Variants in LPCAT1 observed in about 807,000 individuals in gnomAD.
LPCAT1 encodes the protein lysophosphatidylcholine acyltransferase 1, also known as 1-acylglycerol-3-phosphate O-acyltransferase.
Under a neutral mutation model 60.9 loss-of-function variants are expected in LPCAT1, and 23 were observed. The ratio of observed to expected loss-of-function variants is 0.38; its 90% CI spans 0.27 to 0.53. LPCAT1 has a LOEUF of 0.53. Among genes scored for constraint, LPCAT1 ranks in the 20% least tolerant of loss-of-function variants. The pLI, the probability that LPCAT1 is intolerant of heterozygous loss-of-function variation, is 0.82. For missense variants in LPCAT1, 622 were observed against 723.6 expected, an observed-to-expected ratio of 0.86 and a Z score of 1.61; for synonymous variants, 340 against 301.1, an observed-to-expected ratio of 1.13 and a Z score of -1.34.
At position 1,487,497 on chromosome 5, in the gene LPCAT1, G is replaced by A. The variant is rs1028120215; in HGVS notation, c.667+894C>T. ...GAAAGCACGCGCATCTGAGCTGGAG[G>A]AGGATGGCCACAGGCTCGGAAACCC... On this transcript the variant is annotated intron_variant, in intron 5 of 13. Coordinates refer to ENST00000283415, the MANE Select transcript of LPCAT1 (RefSeq NM_024830.5). This position sits in a 1 kb window ranked among gnomAD's most constrained non-coding sequence, Gnocchi z 6.1. 1.3e-5 allele frequency among the ~76,000 whole-genome samples: 2 copies of A among 152,202 alleles called. No homozygotes were observed. Among genetic ancestry groups the A allele is most frequent in the African/African-American group, 2.4e-5 (1 of 41,446 alleles).
chr5:1,487,760 G>A lies in LPCAT1; in HGVS notation c.667+631C>T, dbSNP rs1735424591. On this transcript the variant is annotated intron_variant, in intron 5 of 13. Coordinates refer to ENST00000283415, the MANE Select transcript of LPCAT1 (RefSeq NM_024830.5). The surrounding 1 kb of genome is among the most constrained non-coding windows in gnomAD (Gnocchi z 6.1). ...AGCCCAAGGGAGACGACAGGATCCA[G>A]GTGGACCCTCTGACACGCCCAAGGG... Among the ~76,000 whole-genome samples, 1 of 152,114 alleles carries A rather than the reference G, an allele frequency of 6.6e-6. No homozygotes were observed. Among genetic ancestry groups the A allele is most frequent in the Admixed American group, 6.5e-5 (1 of 15,274 alleles).
chr5:1,463,624 G>C lies in LPCAT1; in HGVS notation c.*27C>G, dbSNP rs200828506. The stretch of plus-strand genomic sequence containing the variant: ...ATGGCGGTGATGTCCACGCGGGAGG[G>C]GCCGCGTCTCTCCGCAACCCTGGGT... On this transcript the variant is annotated 3_prime_UTR_variant, in exon 14 of 14. Coordinates refer to ENST00000283415, the MANE Select transcript of LPCAT1 (RefSeq NM_024830.5). 1.1e-5 allele frequency: 17 copies of C among 1,611,406 alleles called. No individual in the cohort carries two copies. Among genetic ancestry groups the C allele is most frequent in the Admixed American group, 8.3e-5 (5 of 59,958 alleles).
In LPCAT1 at chr5:1,506,257, G is replaced by A. The variant is rs148543859; in HGVS notation, c.136-4654C>T. Among the ~76,000 whole-genome samples the A allele has an allele frequency of 3.4e-3, 520 of 152,258 alleles. 3 individuals carry two copies. Among genetic ancestry groups the A allele is most frequent in the African/African-American group, 0.012 (500 of 41,546 alleles). On this transcript the variant is annotated intron_variant, in intron 1 of 13. Coordinates refer to ENST00000283415, the MANE Select transcript of LPCAT1 (RefSeq NM_024830.5). ...GAGCAGTGCTCCTGGTGAAGAGCCC[G>A]GGCATCTCCACCGATCTGCCTTCAC...
Position 1,477,603 on chromosome 5 carries a change from C to T in LPCAT1, c.817-117G>A, listed in dbSNP as rs1734974683. ...TCTGTCAAAGTAACGCCCATTAGAA[C>T]CGTCTTCAAAGTTGTCATGTGCACG... On this transcript the variant is annotated intron_variant, in intron 8 of 13. Transcript: ENST00000283415. This position sits in a 1 kb window ranked among gnomAD's most constrained non-coding sequence, Gnocchi z 6.0. 1.4e-6 allele frequency: 1 copy of T among 730,128 alleles called. No homozygotes were observed. Among genetic ancestry groups the T allele is most frequent in the Non-Finnish European group, 2.3e-6 (1 of 434,204 alleles). 45.2% of individuals were successfully genotyped at this position (730,128 alleles called of 1,614,324 possible).
At chr5:1,505,417 G>T (rs1579806520) in intron 1 of LPCAT1, among the ~76,000 whole-genome samples, 1 of 152,376 alleles carries the variant, frequency 6.6e-6, no homozygotes, top group African/African-American at 2.4e-5. Flanking sequence ...AACCCATGGT[G>T]TTCCTGAAAC....
intron 13 of LPCAT1, among the ~76,000 whole-genome samples, chr5:1,465,657 A>G (rs747550965): frequency 1.3e-5 from 2 of 151,910 alleles, no homozygotes; most frequent in African/African-American, 2.4e-5. Flanking sequence ...CGGTAACTAA[A>G]CACGTGCGCT....
At chr5:1,494,646 T>TCTCACTCCCAGCAGGGCAGGGTCC (rs1735709930) in intron 3 of LPCAT1, 54 bp downstream of exon 3, 2 of 1,508,914 alleles carry the variant, frequency 1.3e-6, no homozygotes, top group Non-Finnish European at 9.2e-7. Flanking sequence ...CAGGGGGATC[T>TCTCACTCCCAGCAGGGCAGGGTCC]CTCACTCCCA....
At chr5:1,518,601 A>G (rs1331292493) in intron 1 of LPCAT1, among the ~76,000 whole-genome samples, 1 of 152,178 alleles carries the variant, frequency 6.6e-6, no homozygotes, top group African/African-American at 2.4e-5. Context: ...CGGCCTCCCA[A>G]AGTGCTGGGA....
In LPCAT1 at chr5:1,493,770, G is replaced by A. The variant is rs533534502; in HGVS notation, c.493+930C>T. Among the ~76,000 whole-genome samples the A allele has an allele frequency of 2.6e-5, 4 of 152,382 alleles. No individual in the cohort carries two copies. The East Asian group carries it at 7.7e-4, about 29-fold the overall frequency. On this transcript the variant is annotated intron_variant, in intron 3 of 13. Transcript: ENST00000283415. ...TCCTCCCAGAGCAGTGGGTCCATGG[G>A]ATGCGGCCCCCAAAGATGGGTCCAC...
rs1252702570 is a variant in LPCAT1, at chr5:1,476,686, A to G, written c.899+718T>C. ...CTAGCTCCACTGGACAGAGCTTTGC[A>G]GGAGGAAGCACTAGGGAGGCATTCA... On this transcript the variant is annotated intron_variant, in intron 9 of 13. Transcript: ENST00000283415. The surrounding 1 kb of genome is among the most constrained non-coding windows in gnomAD (Gnocchi z 8.6). Among the ~76,000 whole-genome samples the G allele has an allele frequency of 6.6e-6, 1 of 152,094 alleles. No individual in the cohort carries two copies. Among genetic ancestry groups the G allele is most frequent in the Non-Finnish European group, 1.5e-5 (1 of 68,000 alleles).
rs964524512 is a variant in LPCAT1 at position 1,521,083 on chromosome 5, G to A, written c.135+2627C>T. 2.6e-5 allele frequency among the ~76,000 whole-genome samples: 4 copies of A among 152,188 alleles called. No individual in the cohort carries two copies. The highest frequency in any genetic ancestry group is 1.9e-4 in the East Asian group (1 of 5,194). ...AAGATCCTGTACCATACCATTTACC[G>A]CTCTCTACTAAATCTATATCCTTGC... On this transcript the variant is annotated intron_variant, in intron 1 of 13. Coordinates refer to ENST00000283415, the MANE Select transcript of LPCAT1 (RefSeq NM_024830.5). This position sits in a 1 kb window ranked among gnomAD's most constrained non-coding sequence, Gnocchi z 4.3.
chr5:1,500,313 T>A (rs1735959127), intron 2 of LPCAT1, among the ~76,000 whole-genome samples: 1 of 152,276 alleles, frequency 6.6e-6, no homozygotes, highest in South Asian at 2.1e-4. Context: ...CTCAACATTT[T>A]CATTTGCTAA....
In LPCAT1 at chr5:1,494,769, T is replaced by G. The variant is rs1354769326; in HGVS notation, c.424A>C (p.Ile142Leu). ...GAGGACATCGTCATGGTCACAGGGA[T>G]GGCGTCGAAGTAGGACGAGTGAGGC... ...LAPHSSYFDA[I>L]PVTMTMSSIV... Residue 142 changes from isoleucine (I) to leucine (L), a missense_variant, in exon 3 of 14, where the codon ATC (isoleucine) becomes CTC (leucine). Transcript: ENST00000283415. The G allele has an allele frequency of 6.2e-7, 1 of 1,614,176 alleles. No homozygotes were observed. The highest frequency in any genetic ancestry group is 8.5e-7 in the Non-Finnish European group (1 of 1,180,020).
chr5:1,509,637 A>C (rs1364030725), intron 1 of LPCAT1, among the ~76,000 whole-genome samples: 1 of 152,166 alleles, frequency 6.6e-6, no homozygotes, highest in Non-Finnish European at 1.5e-5. Context: ...CAAACCGAGC[A>C]AGGCAGCAGC....
In LPCAT1 at chr5:1,463,314, G is replaced by GA; in HGVS notation, c.*336_*337insT. 1 of 267,046 alleles carries GA rather than the reference G, an allele frequency of 3.7e-6. No individual in the cohort carries two copies. The highest frequency in any genetic ancestry group is 7.5e-5 in the East Asian group (1 of 13,280). The allele number at this position is 267,046 out of a possible 1,614,324, so 16.5% of individuals were successfully genotyped here. A position where few individuals can be genotyped will look rare whatever the true frequency, so the allele number is the denominator to read the frequency against. On this transcript the variant is annotated 3_prime_UTR_variant, in exon 14 of 14. Transcript: ENST00000283415. ...GGCCCGCCCGGTGCACGCTGCCGCC[G>GA]GAAGAGGCTGTGACAGAGACTCGAA...
chr5:1,516,457 C>A (rs1292904681), intron 1 of LPCAT1, among the ~76,000 whole-genome samples: 2 of 152,200 alleles, frequency 1.3e-5, no homozygotes, highest in Admixed American at 1.3e-4. Context: ...GGAGCCCAGG[C>A]ATTCCATGCT....
At chr5:1,505,240 A>T (rs1216200322) in intron 1 of LPCAT1, among the ~76,000 whole-genome samples, 1 of 150,200 alleles carries the variant, frequency 6.7e-6, no homozygotes, top group African/African-American at 2.5e-5. Flanking sequence ...CTTCCACCAG[A>T]GTGCGGAATA....
In LPCAT1 at chr5:1,488,804, C is replaced by T. The variant is rs1735463567; in HGVS notation, c.607-353G>A. 3.3e-5 allele frequency among the ~76,000 whole-genome samples: 5 copies of T among 152,356 alleles called. No individual in the cohort carries two copies. The South Asian group carries it at 1.0e-3, about 32-fold the overall frequency. On this transcript the variant is annotated intron_variant, in intron 4 of 13. Transcript: ENST00000283415. Reference sequence around the variant, plus strand: ...GCACAACATAAGCACCTCCTGGGGGCAGCACTCATTCTCATCAGGAAGAAG... The same window carrying T: ...GCACAACATAAGCACCTCCTGGGGGTAGCACTCATTCTCATCAGGAAGAAG...
chr5:1,465,925 A>C (rs181762085), intron 13 of LPCAT1, among the ~76,000 whole-genome samples: 1 of 152,272 alleles, frequency 6.6e-6, no homozygotes, highest in African/African-American at 2.4e-5. Context: ...ACGGTAACTA[A>C]GCACACATAC....
Sources: allele counts gnomAD v4.1 joint callset (sites outside exome capture counted in the v4.1 genomes callset), GRCh38; gene constraint gnomAD v4.1.1; non-coding constraint Gnocchi (gnomAD v3.1); transcripts MANE v1.5; gene names NCBI Gene and HGNC (gene_info 2026-07-23, HGNC 2026-07-21).